SH3YL1: variants seen among roughly 807,000 people sequenced by gnomAD.
SH3YL1 encodes SH3 and SYLF domain containing 1.
A neutral mutation model predicts 45.8 loss-of-function variants in SH3YL1; 41 were observed. That is an observed-to-expected ratio of 0.89 (90% confidence interval 0.70 to 1.16). The LOEUF is 1.16. Ranked by LOEUF, SH3YL1 falls within the 50% of genes most tolerant of loss-of-function variation. SH3YL1 has a pLI of 0.00. For missense variants in SH3YL1, 389 were observed against 409.6 expected, an observed-to-expected ratio of 0.95 and a Z score of 0.43; for synonymous variants, 152 against 151.4, an observed-to-expected ratio of 1.00 and a Z score of -0.03.
At chr2:226,707 T>A (rs1667798330) in intron 8 of SH3YL1, among the ~76,000 whole-genome samples, 1 of 152,056 alleles carries the variant, frequency 6.6e-6, no homozygotes, top group Non-Finnish European at 1.5e-5. Flanking sequence ...ATAGTGGGAA[T>A]GTCTGGTGGG....
chr2:262,562 A>T, intron 1 of SH3YL1: 1 of 1,302,432 alleles, frequency 7.7e-7, no homozygotes, highest in Admixed American at 2.3e-5. Context: ...CTCAGAGAAA[A>T]TTTTTTTAAA....
intron 8 of SH3YL1, 109 bp downstream of exon 8, chr2:229,857 A>T: frequency 1.3e-6 from 1 of 786,812 alleles, no homozygotes; most frequent in Non-Finnish European, 2.1e-6. Context: ...TAAATATGTT[A>T]GTTCTTCTAT....
At chr2:225,961 T>A (rs760371448) in intron 8 of SH3YL1, among the ~76,000 whole-genome samples, 1 of 152,170 alleles carries the variant, frequency 6.6e-6, no homozygotes. Flanking sequence ...ATAATTAGCA[T>A]TGAAAAATTA....
rs184936793 is a variant in SH3YL1, at chr2:246,151, T to C, written c.291+1387A>G. Among the ~76,000 whole-genome samples the C allele has an allele frequency of 1.2e-3, 187 of 150,300 alleles. 2 individuals carry two copies. The highest frequency in any genetic ancestry group is 4.4e-3 in the African/African-American group (179 of 40,854). ...TGGAGGTTGCAGTGAGCTGAGTCCATGCCATTGCACTCCAGCCTGGGTAAC... is the reference window on the plus strand; with the variant it reads ...TGGAGGTTGCAGTGAGCTGAGTCCACGCCATTGCACTCCAGCCTGGGTAAC... On this transcript the variant is annotated intron_variant, in intron 4 of 9. Coordinates refer to ENST00000356150, the MANE Select transcript of SH3YL1 (RefSeq NM_015677.4).
In SH3YL1 at chr2:233,172, C is replaced by G. The variant is rs373489936; in HGVS notation, c.462G>C (p.Lys154Asn). 144 of 1,597,578 alleles carry G rather than the reference C, an allele frequency of 9.0e-5. No individual in the cohort carries two copies. The East Asian group carries it at 3.1e-3, about 34-fold the overall frequency. ...RSSAAVFTYCKSRGLFAGVSL... is the reference protein window; with the variant it reads ...RSSAAVFTYCNSRGLFAGVSL... ...ACACGCCTGCAAAGAGTCCCCTTGA[C>G]TTGCAGTACGTGAAGACGGCAGCGG... Residue 154 changes from lysine to asparagine, a missense_variant, in exon 6 of 10, where the codon AAG (lysine) becomes AAC (asparagine). Lys to Asn is a moderately conservative substitution (Grantham distance 94). Transcript: ENST00000356150.
intron 1 of SH3YL1, chr2:259,418 G>T (rs1669495039): frequency 1.3e-5 from 2 of 151,946 alleles, no homozygotes; most frequent in South Asian, 4.2e-4. Context: ...TTGACTCTCT[G>T]TTACTTGTCT....
intron 8 of SH3YL1, among the ~76,000 whole-genome samples, chr2:225,361 G>T (rs998043610): frequency 6.6e-6 from 1 of 152,158 alleles, no homozygotes; most frequent in South Asian, 2.1e-4. Flanking sequence ...ACGGTCTGGG[G>T]GTTTGCTTTT....
At chr2:255,973 C>T (rs369885081) in intron 1 of SH3YL1, 134 of 152,268 alleles carry the variant, frequency 8.8e-4, no homozygotes, top group African/African-American at 2.9e-3. Flanking sequence ...TCATGAGATA[C>T]AATTTACAAA....
chr2:239,285 C>T (rs1475815488), intron 4 of SH3YL1, among the ~76,000 whole-genome samples: 4 of 152,206 alleles, frequency 2.6e-5, no homozygotes, highest in Non-Finnish European at 4.4e-5. Flanking sequence ...AATAGGTTAG[C>T]ATCTCCCCAG....
At chr2:246,825 A>C (rs1427503933) in intron 4 of SH3YL1, among the ~76,000 whole-genome samples, 1 of 152,232 alleles carries the variant, frequency 6.6e-6, no homozygotes, top group Admixed American at 6.5e-5. Context: ...AAGAGTTAGA[A>C]ATACTTCCTC....
In SH3YL1 at chr2:249,853, GT is replaced by G; in HGVS notation, c.113-10del. On this transcript the variant is annotated splice_polypyrimidine_tract_variant and intron_variant, in intron 2 of 9. Coordinates refer to ENST00000356150, the MANE Select transcript of SH3YL1 (RefSeq NM_015677.4). The stretch of plus-strand genomic sequence containing the variant: ...CTTCGCAATTACGTGAGCTGTTAAC[GT>G]GGAAAACAATGGGAAGGTAAGCATT... The G allele has an allele frequency of 6.5e-7, 1 of 1,537,722 alleles. No individual in the cohort carries two copies. Among genetic ancestry groups the G allele is most frequent in the Non-Finnish European group, 8.8e-7 (1 of 1,133,938 alleles).
intron 1 of SH3YL1, among the ~76,000 whole-genome samples, chr2:253,653 G>GT (rs1427902339): frequency 1.3e-5 from 2 of 152,134 alleles, no homozygotes; most frequent in African/African-American, 2.4e-5. Flanking sequence ...AAAAACAATT[G>GT]TAAGTATCCT....
intron 8 of SH3YL1, among the ~76,000 whole-genome samples, chr2:228,679 A>G (rs940657741): frequency 6.6e-6 from 1 of 152,208 alleles, no homozygotes. Flanking sequence ...TCTGAACATG[A>G]ATCAGCAGTG....
At chr2:254,915 G>A (rs1165802202) in intron 1 of SH3YL1, among the ~76,000 whole-genome samples, 9 of 152,200 alleles carry the variant, frequency 5.9e-5, no homozygotes, top group Non-Finnish European at 1.2e-4. Flanking sequence ...TCAAAAGAAT[G>A]CAACTGTTTG....
intron 1 of SH3YL1, chr2:262,178 T>C (rs1051318367): frequency 1.9e-5 from 3 of 155,224 alleles, no homozygotes; most frequent in Non-Finnish European, 4.3e-5. Context: ...ACTATGGCCT[T>C]TGTTTCTTAA....
chr2:235,376 A>AGCAGCATGGGCCAGGGGAG (rs1432917683), intron 4 of SH3YL1, among the ~76,000 whole-genome samples: 1,782 of 103,688 alleles, frequency 0.017, 168 homozygotes, highest in Non-Finnish European at 0.023. Flanking sequence ...CAGGGGAGGC[A>AGCAGCATGGGCCAGGGGAG]GCAGCATGGG....
At chr2:228,212 C>A (rs780932046) in intron 8 of SH3YL1, among the ~76,000 whole-genome samples, 8 of 152,112 alleles carry the variant, frequency 5.3e-5, no homozygotes, top group Non-Finnish European at 1.0e-4. Flanking sequence ...TGTCCACCGG[C>A]AGGGACACAG....
chr2:243,443 G>A (rs1370125132), intron 4 of SH3YL1: 1 of 1,440,280 alleles, frequency 6.9e-7, no homozygotes, highest in Non-Finnish European at 9.2e-7. Flanking sequence ...GCTCAAAGAA[G>A]AAATCACATG....
In SH3YL1 at chr2:234,404, CAA is replaced by C. The variant is rs1233308403; in HGVS notation, c.292-134_292-133del. ...AATAGAGACAGGAAAGAACGTGAGACAAGAGCCATATTTTTATTTTGAGCTGA... is the reference window on the plus strand; with the variant it reads ...AATAGAGACAGGAAAGAACGTGAGACGAGCCATATTTTTATTTTGAGCTGA... On this transcript the variant is annotated intron_variant, in intron 4 of 9. Transcript: ENST00000356150. 4 of 617,162 alleles carry C rather than the reference CAA, an allele frequency of 6.5e-6. No homozygotes were observed. In the East Asian group the frequency reaches 8.9e-5, roughly 14 times the overall value. The allele number at this position is 617,162 out of a possible 1,614,324, so 38.2% of individuals were successfully genotyped here. A position where few individuals can be genotyped will look rare whatever the true frequency, so the allele number is the denominator to read the frequency against.
Sources: gnomAD v4.1 joint callset for allele counts (sites outside exome capture counted in the v4.1 genomes callset) on GRCh38, gnomAD v4.1.1 for gene constraint, MANE v1.5 for transcripts, NCBI Gene and HGNC (gene_info 2026-07-23, HGNC 2026-07-21) for gene names.